The following TBATA variants were observed in gnomAD, a reference collection of about 807,000 sequenced individuals.
TBATA encodes thymus, brain and testes associated, also known as protein TBATA.
TBATA carries 47 observed loss-of-function variants against 38.7 expected under a neutral mutation model. That is an observed-to-expected ratio of 1.21 (90% CI 0.96 to 1.55). The LOEUF is 1.55. Ranked by LOEUF, TBATA falls within the 40% of genes most tolerant of loss-of-function variation. The probability of loss-of-function intolerance (pLI) is 0.00; values close to 1 mark genes in which losing one functional copy is unlikely to be tolerated. For missense variants in TBATA, 436 were observed against 435.6 expected (o/e 1.00, Z -0.01); for synonymous variants, 183 against 170.5 (o/e 1.07, Z -0.57).
At chr10:70,779,491 T>C in intron 5 of TBATA, 102 bp downstream of exon 5, 2 of 1,340,374 alleles carry the variant, frequency 1.5e-6, no homozygotes, top group South Asian at 1.9e-5. Flanking sequence ...CTCACTGACC[T>C]AAGAGCGATG....
intron 5 of TBATA, 101 bp downstream of exon 5, chr10:70,779,492 A>G (rs557701025): frequency 7.5e-7 from 1 of 1,337,812 alleles, no homozygotes; most frequent in Non-Finnish European, 9.9e-7. Context: ...TCACTGACCT[A>G]AGAGCGATGG....
intron 8 of TBATA, among the ~76,000 whole-genome samples, chr10:70,774,604 C>T (rs1205390441): frequency 2.0e-5 from 3 of 152,160 alleles, no homozygotes; most frequent in Non-Finnish European, 4.4e-5. Flanking sequence ...GCTGGCCCTC[C>T]TGCCCACCAT....
rs886667950 is a variant in TBATA at position 70,771,535 on chromosome 10, G to A, written c.974-74C>T. The A allele has an allele frequency of 1.4e-5, 20 of 1,415,824 alleles. No homozygotes were observed. The African/African-American group carries it at 2.0e-4, about 14-fold the overall frequency. The allele number at this position is 1,415,824 out of a possible 1,614,324, so 87.7% of individuals were successfully genotyped here. ...CCCCACCTGGGAGCTGCAGGTGGAT[G>A]TGTGAGTGCTGAGGGGAAGGTCTGA... On this transcript the variant is annotated intron_variant, in intron 10 of 10. Transcript: ENST00000456372.
At chr10:70,772,981 C>T (rs1033933243) in intron 9 of TBATA, among the ~76,000 whole-genome samples, 1 of 152,208 alleles carries the variant, frequency 6.6e-6, no homozygotes, top group Non-Finnish European at 1.5e-5. Flanking sequence ...ATGAAAGATG[C>T]TCTTCCGTCT....
At chr10:70,783,068 C>CA (rs1462530148) in intron 3 of TBATA, among the ~76,000 whole-genome samples, 1 of 152,250 alleles carries the variant, frequency 6.6e-6, no homozygotes, top group Non-Finnish European at 1.5e-5. Flanking sequence ...CAGAGGAAGT[C>CA]ACCTCCTGAG....
rs973648759 is a variant in TBATA, at chr10:70,777,266, G to A, written c.580C>T (p.Pro194Ser). 6.2e-7 allele frequency: 1 copy of A among 1,613,574 alleles called. No homozygotes were observed. Among genetic ancestry groups the A allele is most frequent in the Non-Finnish European group, 8.5e-7 (1 of 1,179,958 alleles). ...CGGCCGACAGCCCGGGTGGAAGCGG[G>A]GATGAGCCTCCCAGTCTCTGCTGAG... ...KYSAETGRLI[P>S]ASTRAVGRRR... The change falls in exon 7 of 11, where the codon CCC (proline) becomes TCC (serine). Residue 194 changes from proline to serine, a missense_variant. Pro to Ser is a moderately conservative substitution (Grantham distance 74, BLOSUM62 -1). Transcript: ENST00000456372.
intron 8 of TBATA, 99 bp from the exon 9 acceptor site, chr10:70,774,456 C>T (rs7078118): frequency 0.39 from 479,385 of 1,239,510 alleles, 93,144 homozygotes; most frequent in East Asian, 0.55. Context: ...GCAGCTTTCT[C>T]TAAGCATCCC....
chr10:70,772,613 C>T (rs751188408), intron 9 of TBATA, 47 bp from the exon 10 acceptor site: 2 of 1,603,226 alleles, frequency 1.2e-6, no homozygotes, highest in South Asian at 1.1e-5. Flanking sequence ...TGCTGGAAAC[C>T]TGACCCCACG....
intron 7 of TBATA, among the ~76,000 whole-genome samples, chr10:70,776,828 G>C (rs544006876): frequency 6.6e-6 from 1 of 152,166 alleles, no homozygotes; most frequent in African/African-American, 2.4e-5. Flanking sequence ...GCTGTGATGG[G>C]CAGGACCTCC....
Position 70,777,276 on chromosome 10 carries a change from C to A in TBATA, c.570G>T (p.Gly190=). 1 of 1,613,776 alleles carries A rather than the reference C, an allele frequency of 6.2e-7. No individual in the cohort carries two copies. Among genetic ancestry groups the A allele is most frequent in the Non-Finnish European group, 8.5e-7 (1 of 1,179,960 alleles). The change falls in exon 7 of 11, where the codon GGG becomes GGT. Residue 190 remains glycine (G), a synonymous_variant. Transcript: ENST00000456372. ...CCCGGGTGGAAGCGGGGATGAGCCT[C>A]CCAGTCTCTGCTGAGTACTTTGCCC... ...EQGAKYSAET[G]RLIPASTRAV... is the part of the protein sequence containing the mutation.
chr10:70,773,416 T>C (rs187574074), intron 9 of TBATA, among the ~76,000 whole-genome samples: 20 of 152,104 alleles, frequency 1.3e-4, no homozygotes, highest in African/African-American at 4.6e-4. Flanking sequence ...CTCCTATCAG[T>C]GTTTCCCAAA....
intron 2 of TBATA, 31 bp from the exon 3 acceptor site, chr10:70,783,556 A>C: frequency 1.5e-6 from 1 of 654,532 alleles, no homozygotes; most frequent in South Asian, 1.8e-5. Context: ...ATATCTTTTA[A>C]AATTGAGCAT....
chr10:70,772,733 A>C (rs1185780653), intron 9 of TBATA, among the ~76,000 whole-genome samples, 167 bp from the exon 10 acceptor site: 1 of 152,132 alleles, frequency 6.6e-6, no homozygotes, highest in African/African-American at 2.4e-5. Context: ...ACATCTGTCC[A>C]TGACTAGCAC....
intron 4 of TBATA, 39 bp from the exon 5 acceptor site, chr10:70,779,781 T>C (rs1843915732): frequency 6.6e-7 from 1 of 1,511,036 alleles, no homozygotes; most frequent in East Asian, 2.7e-5. Context: ...GAGGCTTAGG[T>C]GGACCTTAAG....
At chr10:70,773,463 A>AG (rs529211132) in intron 9 of TBATA, among the ~76,000 whole-genome samples, 26,214 of 55,152 alleles carry the variant, frequency 0.48, 2,330 homozygotes, top group South Asian at 0.52. Context: ...TTAAAAATAC[A>AG]GGCCCCCCCG....
At chr10:70,781,609 C>T (rs564678134) in intron 4 of TBATA, among the ~76,000 whole-genome samples, 192 bp downstream of exon 4, 8 of 152,344 alleles carry the variant, frequency 5.3e-5, no homozygotes, top group African/African-American at 1.9e-4. Flanking sequence ...GGGAACCTGT[C>T]ACCCACCCTT....
intron 3 of TBATA, among the ~76,000 whole-genome samples, chr10:70,782,824 T>A (rs934242899): frequency 9.2e-5 from 14 of 152,216 alleles, no homozygotes; most frequent in Admixed American, 3.9e-4. Flanking sequence ...GATCGCTGTC[T>A]GCATGCCCTT....
At position 70,778,552 on chromosome 10, in the gene TBATA, C is replaced by T. The variant is rs1843720325; in HGVS notation, c.507+5G>A. ...CCCAGACTAGCTCCTGTGTTCCGCACCCACCTCTTTCTTCTTCAGTTCATC... is the reference window on the plus strand; with the variant it reads ...CCCAGACTAGCTCCTGTGTTCCGCATCCACCTCTTTCTTCTTCAGTTCATC... On this transcript the variant is annotated splice_donor_5th_base_variant and intron_variant, in intron 6 of 10. Transcript: ENST00000456372. 1 of 1,613,854 alleles carries T rather than the reference C, an allele frequency of 6.2e-7. No homozygotes were observed. The highest frequency in any genetic ancestry group is 8.5e-7 in the Non-Finnish European group (1 of 1,179,720).
In TBATA at chr10:70,777,339, C is replaced by T. The variant is rs376318848; in HGVS notation, c.508-1G>A. ...GAGGCTCCTCCTTCTGCTCCTTCTGCTGGGACAAAAGTGGCCAGAGACTCC... is the reference window on the plus strand; with the variant it reads ...GAGGCTCCTCCTTCTGCTCCTTCTGTTGGGACAAAAGTGGCCAGAGACTCC... On this transcript the variant is annotated splice_acceptor_variant, in intron 6 of 10. Transcript: ENST00000456372. LOFTEE classifies it high-confidence loss of function. 8.7e-6 allele frequency: 14 copies of T among 1,611,802 alleles called. No individual in the cohort carries two copies. In the African/African-American group the frequency reaches 1.1e-4, roughly 12 times the overall value.
Sources: gnomAD v4.1 joint callset for allele counts (sites outside exome capture counted in the v4.1 genomes callset) on GRCh38, gnomAD v4.1.1 for gene constraint, MANE v1.5 for transcripts, NCBI Gene and HGNC (gene_info 2026-07-23, HGNC 2026-07-21) for gene names.